TPST1: variants seen among roughly 807,000 people sequenced by gnomAD.
TPST1 encodes protein-tyrosine sulfotransferase 1.
TPST1 carries 20 observed loss-of-function variants against 34.8 expected under a neutral mutation model. The ratio of observed to expected loss-of-function variants is 0.57; its 90% CI spans 0.40 to 0.84. The LOEUF (loss-of-function observed/expected upper bound fraction) is 0.84, where lower values mean the gene tolerates loss of function less well. TPST1 is among the 40% of genes least tolerant of loss of function. TPST1 has a pLI of 0.00. For synonymous variants in TPST1, 152 were observed against 159.4 expected (o/e 0.95, Z 0.35); for missense variants, 353 against 455.5 (o/e 0.78, Z 2.05).
intron 1 of TPST1, among the ~76,000 whole-genome samples, chr7:66,221,269 C>A (rs549639726): frequency 6.6e-6 from 1 of 151,668 alleles, no homozygotes; most frequent in Admixed American, 6.6e-5. Context: ...ATTTTTTTTC[C>A]GTAATTATCA....
chr7:66,279,360 T>C (rs1458040877), intron 2 of TPST1, among the ~76,000 whole-genome samples: 1 of 152,196 alleles, frequency 6.6e-6, no homozygotes, highest in African/African-American at 2.4e-5. Flanking sequence ...TTCCATGTCT[T>C]AGCTATTGTG....
intron 3 of TPST1, among the ~76,000 whole-genome samples, chr7:66,292,991 G>A (rs567887291): frequency 1.3e-5 from 2 of 152,092 alleles, no homozygotes; most frequent in African/African-American, 4.8e-5. Context: ...TGGATCACAA[G>A]GTCAGGAGAT....
At chr7:66,350,965 G>A (rs1223520387) in intron 3 of TPST1, among the ~76,000 whole-genome samples, 1 of 152,108 alleles carries the variant, frequency 6.6e-6, no homozygotes, top group Non-Finnish European at 1.5e-5. Flanking sequence ...CACACATACA[G>A]TATACCAATC....
chr7:66,333,558 G>A (rs1002053), intron 3 of TPST1, among the ~76,000 whole-genome samples: 89,981 of 152,034 alleles, frequency 0.59, 26,954 homozygotes, highest in African/African-American at 0.67. Flanking sequence ...AACTGGGAAG[G>A]TTAAAAAATC....
rs984196323 is a variant in TPST1, at chr7:66,348,893, C to G, written c.1045-3612C>G. Among the ~76,000 whole-genome samples, 9 of 152,174 alleles carry G rather than the reference C, an allele frequency of 5.9e-5. No individual in the cohort carries two copies. The East Asian group carries it at 1.5e-3, about 26-fold the overall frequency. The stretch of plus-strand genomic sequence containing the variant: ...CTTTATTTGATATTTTACCCAGACC[C>G]CTTTTGGTTTTTTATTACAGTAACA... On this transcript the variant is annotated intron_variant, in intron 3 of 5. Transcript: ENST00000304842.
chr7:66,215,651 G>T (rs1161641049), intron 1 of TPST1, among the ~76,000 whole-genome samples: 3 of 151,526 alleles, frequency 2.0e-5, no homozygotes, highest in Non-Finnish European at 2.9e-5. Flanking sequence ...GGGATTACAG[G>T]CGTGAGCCAC....
chr7:66,227,625 G>T (rs1339837330), intron 1 of TPST1, among the ~76,000 whole-genome samples: 1 of 152,080 alleles, frequency 6.6e-6, no homozygotes, highest in Admixed American at 6.6e-5. Flanking sequence ...AGCAGTAGAA[G>T]TAAGGATACC....
chr7:66,236,863 C>T (rs569564800), intron 1 of TPST1, among the ~76,000 whole-genome samples: 1 of 152,138 alleles, frequency 6.6e-6, no homozygotes, highest in Non-Finnish European at 1.5e-5. Flanking sequence ...GCCTTCCTGT[C>T]TGCATAGCTT....
intron 1 of TPST1, among the ~76,000 whole-genome samples, chr7:66,230,281 C>T (rs1037571071): frequency 6.6e-6 from 1 of 152,244 alleles, no homozygotes; most frequent in Non-Finnish European, 1.5e-5. Flanking sequence ...CTATTCTGGA[C>T]ATTTCATGTA....
At chr7:66,277,164 T>C (rs1262602904) in intron 2 of TPST1, among the ~76,000 whole-genome samples, 1 of 152,196 alleles carries the variant, frequency 6.6e-6, no homozygotes, top group African/African-American at 2.4e-5. Context: ...TGCGATGTCC[T>C]GTCCTGGAAA....
At chr7:66,242,365 G>T (rs544349703) in intron 2 of TPST1, among the ~76,000 whole-genome samples, 1 of 151,808 alleles carries the variant, frequency 6.6e-6, no homozygotes, top group African/African-American at 2.4e-5. Flanking sequence ...TACTTTCCTT[G>T]TGTGCCCTTC....
At position 66,234,426 on chromosome 7, in the gene TPST1, CACACAG is replaced by C. The variant is rs763907725; in HGVS notation, c.-101-5893_-101-5888del. ...ACACACACACACACACACACACACACACACAGACACACACACACACACGGAAACCAT... is the reference window on the plus strand; with the variant it reads ...ACACACACACACACACACACACACACACACACACACACACACGGAAACCAT... On this transcript the variant is annotated intron_variant, in intron 1 of 5. Transcript: ENST00000304842. 2.1e-3 allele frequency among the ~76,000 whole-genome samples: 314 copies of C among 151,046 alleles called. 1 individual carries two copies. Among genetic ancestry groups the C allele is most frequent in the East Asian group, 8.4e-3 (42 of 4,982 alleles).
chr7:66,279,455 G>T (rs887015628), intron 2 of TPST1, among the ~76,000 whole-genome samples: 1 of 152,140 alleles, frequency 6.6e-6, no homozygotes, highest in African/African-American at 2.4e-5. Context: ...CAGTAAGGGG[G>T]TTACTGGGTC....
chr7:66,254,516 G>A (rs1426242521), intron 2 of TPST1, among the ~76,000 whole-genome samples: 4 of 152,116 alleles, frequency 2.6e-5, no homozygotes, highest in Non-Finnish European at 5.9e-5. Context: ...AGATTCTCCT[G>A]CCTCAGCCTC....
upstream of TPST1, among the ~76,000 whole-genome samples, chr7:66,202,538 A>G (rs541078861): frequency 2.6e-5 from 4 of 152,156 alleles, no homozygotes; most frequent in Admixed American, 6.6e-5. Context: ...TTTTCTGGGC[A>G]GTGTGGGAGG....
chr7:66,240,499 G>A lies in TPST1; in HGVS notation c.74G>A (p.Gly25Asp), dbSNP rs772848356. 4.3e-6 allele frequency: 7 copies of A among 1,614,166 alleles called. No individual in the cohort carries two copies. The highest frequency in any genetic ancestry group is 5.9e-6 in the Non-Finnish European group (7 of 1,180,042). ...AGTTCTGTGACTGTGTTTTACCTGG[G>A]CCAGCATGCCATGGAATGCCATCAC... ...VISSVTVFYL[G>D]QHAMECHHRI... is the part of the protein sequence containing the mutation. Residue 25 changes from glycine (G) to aspartate (D), a missense_variant, in exon 2 of 6, where the codon GGC (glycine) becomes GAC (aspartate). Physicochemically the swap from Gly to Asp is moderately conservative, Grantham distance 94 (BLOSUM62 -1). Coordinates refer to ENST00000304842, the MANE Select transcript of TPST1 (RefSeq NM_003596.4).
intron 5 of TPST1, chr7:66,359,327 C>G (rs527854130): frequency 2.8e-5 from 4 of 144,626 alleles, no homozygotes; most frequent in African/African-American, 1.0e-4. Flanking sequence ...CCTTAGGACC[C>G]ATTTCTTCAC....
intron 1 of TPST1, among the ~76,000 whole-genome samples, chr7:66,217,729 C>T (rs1286300873): frequency 1.3e-5 from 2 of 151,708 alleles, no homozygotes; most frequent in African/African-American, 2.4e-5. Flanking sequence ...GGACTACAGG[C>T]GTGTGCCACC....
intron 3 of TPST1, among the ~76,000 whole-genome samples, chr7:66,338,504 C>T (rs933582822): frequency 6.6e-6 from 1 of 152,164 alleles, no homozygotes; most frequent in Non-Finnish European, 1.5e-5. Context: ...CAGAACATTC[C>T]ATCCAACAGT....
Sources: allele counts gnomAD v4.1 joint callset (sites outside exome capture counted in the v4.1 genomes callset), GRCh38; gene constraint gnomAD v4.1.1; transcripts MANE v1.5; gene names NCBI Gene and HGNC (gene_info 2026-07-23, HGNC 2026-07-21).